Variants in LIMS2 observed in about 807,000 individuals in gnomAD.
LIMS2 encodes the protein LIM and senescent cell antigen-like-containing domain protein 2.
Under a neutral mutation model 45.3 loss-of-function variants are expected in LIMS2, and 30 were observed. The ratio of observed to expected loss-of-function variants is 0.66; its 90% CI spans 0.50 to 0.90. The LOEUF is 0.90. LIMS2 is among the 40% of genes least tolerant of loss of function. The probability of loss-of-function intolerance (pLI) is 0.00; values close to 1 mark genes in which losing one functional copy is unlikely to be tolerated. For synonymous variants in LIMS2, 173 were observed against 188.0 expected, an observed-to-expected ratio of 0.92 and a Z score of 0.65; for missense variants, 485 against 468.7, an observed-to-expected ratio of 1.03 and a Z score of -0.32.
At chr2:127,655,895 T>C (rs115659799) in intron 2 of LIMS2, 1 of 152,254 alleles carries the variant, frequency 6.6e-6, no homozygotes, top group Non-Finnish European at 1.5e-5. Context: ...GCACAAGTGA[T>C]GTTCTGGTAA....
chr2:127,649,157 G>GAGGAAGGAAGGAAGGA (rs1469679192), intron 4 of LIMS2, among the ~76,000 whole-genome samples: 1 of 73,860 alleles, frequency 1.4e-5, no homozygotes, highest in African/African-American at 5.3e-5. Flanking sequence ...GTGAGAGAGA[G>GAGGAAGGAAGGAAGGA]AGGAAGGTAG....
At chr2:127,644,917 G>A (rs560879213) in intron 4 of LIMS2, among the ~76,000 whole-genome samples, 14 of 152,344 alleles carry the variant, frequency 9.2e-5, no homozygotes, top group African/African-American at 2.2e-4. Context: ...GACAAACTGG[G>A]AAGCCCATCT....
chr2:127,667,780 G>A lies in LIMS2; in HGVS notation c.11+7234C>T, dbSNP rs1225410946. 6.6e-6 allele frequency among the ~76,000 whole-genome samples: 1 copy of A among 152,188 alleles called. No homozygotes were observed. Among genetic ancestry groups the A allele is most frequent in the African/African-American group, 2.4e-5 (1 of 41,444 alleles). The stretch of plus-strand genomic sequence containing the variant: ...TGAATGCTTTCCTCCTAAGGTCAGG[G>A]GGATTTCCAGTCCGCTATTTGTTTT... On this transcript the variant is annotated intron_variant, in intron 1 of 9. Coordinates refer to ENST00000355119, the MANE Select transcript of LIMS2 (RefSeq NM_001161403.3). This position sits in a 1 kb window ranked among gnomAD's most constrained non-coding sequence, Gnocchi z 4.1.
intron 7 of LIMS2, chr2:127,640,691 A>G (rs987764833): frequency 1.0e-5 from 6 of 602,776 alleles, no homozygotes; most frequent in Non-Finnish European, 1.8e-5. Flanking sequence ...CCAGCCCCAG[A>G]ACATTCTTCA....
Position 127,657,473 on chromosome 2 carries a change from TC to T in LIMS2, c.100del (p.Glu34SerfsTer58), listed in dbSNP as rs753212450. On this transcript the variant is annotated frameshift_variant, in exon 2 of 10. Coordinates refer to ENST00000355119, the MANE Select transcript of LIMS2 (RefSeq NM_001161403.3). LOFTEE classifies it high-confidence loss of function. ...PAERIVNSNGELYHEHCFVCA... is the reference protein window; with the variant it reads ...PAERIVNSNGXLYHEHCFVCA... ...CACGAAGCAGTGCTCATGGTACAGC[TC>T]CCCATTGCTGTTGACAATGCGCTCG... is the stretch of plus-strand genomic sequence containing the variant. 6.2e-7 allele frequency: 1 copy of T among 1,613,736 alleles called. No individual in the cohort carries two copies. Among genetic ancestry groups the T allele is most frequent in the Non-Finnish European group, 8.5e-7 (1 of 1,179,980 alleles).
intron 1 of LIMS2, among the ~76,000 whole-genome samples, chr2:127,680,801 A>T (rs997681697): frequency 6.6e-6 from 1 of 152,206 alleles, no homozygotes; most frequent in Non-Finnish European, 1.5e-5. Context: ...TTGCTCTGGG[A>T]CAGACTCCAT....
Position 127,649,875 on chromosome 2 carries a change from G to A in LIMS2, c.359+4549C>T, listed in dbSNP as rs970014919. 15 of 716,626 alleles carry A rather than the reference G, an allele frequency of 2.1e-5. No homozygotes were observed. The African/African-American group carries it at 2.5e-4, about 12-fold the overall frequency. 44.4% of individuals were successfully genotyped at this position (716,626 alleles called of 1,614,324 possible). The stretch of plus-strand genomic sequence containing the variant: ...AGCGCTGGCCAGTGTCTCTGACGCT[G>A]GGTAAAATGGGTCTTCCCCTCCTGG... On this transcript the variant is annotated intron_variant, in intron 4 of 9. Transcript: ENST00000355119.
At chr2:127,669,595 G>C (rs1402193167) in intron 1 of LIMS2, among the ~76,000 whole-genome samples, 1 of 152,052 alleles carries the variant, frequency 6.6e-6, no homozygotes, top group Non-Finnish European at 1.5e-5. Context: ...GCACACGCCT[G>C]TAGTCCCAGC....
chr2:127,654,364 G>A (rs1684090198), intron 4 of LIMS2, 60 bp downstream of exon 4: 4 of 1,609,542 alleles, frequency 2.5e-6, no homozygotes, highest in Non-Finnish European at 3.4e-6. Context: ...CAGGAGAGGT[G>A]GCAGGTGTGC....
At chr2:127,665,714 C>A (rs1684965975) in intron 1 of LIMS2, among the ~76,000 whole-genome samples, 1 of 152,176 alleles carries the variant, frequency 6.6e-6, no homozygotes, top group African/African-American at 2.4e-5. Flanking sequence ...AGCTACAAGT[C>A]AATGCCATAG....
At chr2:127,676,652 C>T (rs1685509292), upstream of LIMS2, among the ~76,000 whole-genome samples, 3 of 152,058 alleles carry the variant, frequency 2.0e-5, no homozygotes, top group African/African-American at 7.3e-5. Flanking sequence ...TCAGGTGATC[C>T]GACTGTCTCG....
chr2:127,639,918 C>T, intron 9 of LIMS2, 152 bp downstream of exon 9: 1 of 766,450 alleles, frequency 1.3e-6, no homozygotes, highest in Non-Finnish European at 2.2e-6. Context: ...GAACCTGCCC[C>T]CATCTCCCTG....
intron 2 of LIMS2, 137 bp from the exon 3 acceptor site, chr2:127,655,033 G>C: frequency 1.2e-6 from 1 of 809,200 alleles, no homozygotes; most frequent in Admixed American, 2.0e-5. Context: ...GGCTGGAGCA[G>C]TGGGTCCCAG....
intron 1 of LIMS2, among the ~76,000 whole-genome samples, chr2:127,660,452 G>T (rs1210075116): frequency 6.6e-6 from 1 of 152,192 alleles, no homozygotes; most frequent in Non-Finnish European, 1.5e-5. Context: ...TTTCAATCCT[G>T]AAGCCAGCGA....
intron 3 of LIMS2, 97 bp from the exon 4 acceptor site, chr2:127,654,641 T>G: frequency 6.3e-7 from 1 of 1,576,288 alleles, no homozygotes; most frequent in Non-Finnish European, 8.7e-7. Context: ...GCCTGCTCTC[T>G]GCCTGGCCCA....
At position 127,664,712 on chromosome 2, in the gene LIMS2, G is replaced by T; in HGVS notation, c.12-7150C>A. On this transcript the variant is annotated intron_variant, in intron 1 of 9. Transcript: ENST00000355119. This position sits in a 1 kb window ranked among gnomAD's most constrained non-coding sequence, Gnocchi z 5.5. ...CACTGAGGTGAGGTCCACAGTGGCG[G>T]CAGGACACCCAGGAGGTCTCCGGCT... The T allele has an allele frequency of 3.1e-6, 2 of 635,916 alleles. No homozygotes were observed. The highest frequency in any genetic ancestry group is 3.9e-6 in the Non-Finnish European group (2 of 510,676). The allele number at this position is 635,916 out of a possible 1,614,324, so 39.4% of individuals were successfully genotyped here.
rs553495119 is a variant in LIMS2, at chr2:127,654,760, G to A, written c.238+70C>T. On this transcript the variant is annotated intron_variant, in intron 3 of 9. Coordinates refer to ENST00000355119, the MANE Select transcript of LIMS2 (RefSeq NM_001161403.3). ...CTGGGCCAGTTCTGTGTACCCCCTC[G>A]GCCCCCTGCCCCCCGCCACTGCTGC... The A allele has an allele frequency of 2.3e-5, 36 of 1,545,542 alleles. No homozygotes were observed. The East Asian group carries it at 3.2e-4, about 14-fold the overall frequency.
chr2:127,639,559 C>T, intron 9 of LIMS2, 131 bp from the exon 10 acceptor site: 6 of 1,125,984 alleles, frequency 5.3e-6, no homozygotes, highest in Non-Finnish European at 7.7e-6. Context: ...CAGGCCAGGC[C>T]CTAGGGTGAG....
upstream of LIMS2, among the ~76,000 whole-genome samples, chr2:127,679,856 A>G (rs1685579085): frequency 6.6e-6 from 1 of 152,140 alleles, no homozygotes; most frequent in Non-Finnish European, 1.5e-5. This position sits in a 1 kb window ranked among gnomAD's most constrained non-coding sequence, Gnocchi z 5.3. Flanking sequence ...AGCTCTCAGG[A>G]GGCCTCAGGG....
Sources: gnomAD v4.1 joint callset for allele counts (sites outside exome capture counted in the v4.1 genomes callset) on GRCh38, gnomAD v4.1.1 for gene constraint, Gnocchi (gnomAD v3.1) non-coding constraint, MANE v1.5 for transcripts, NCBI Gene and HGNC (gene_info 2026-07-23, HGNC 2026-07-21) for gene names.